The following SUMF1 variants were observed in gnomAD, a reference collection of about 807,000 sequenced individuals.
SUMF1 encodes formylglycine-generating enzyme.
SUMF1 carries 48 observed loss-of-function variants against 47.6 expected under a neutral mutation model. That is an observed-to-expected ratio of 1.01 (90% CI 0.80 to 1.28). The LOEUF (loss-of-function observed/expected upper bound fraction) is 1.28. Among genes scored for constraint, SUMF1 ranks in the 50% most tolerant of loss-of-function variants. The pLI, the probability that SUMF1 is intolerant of heterozygous loss-of-function variation, is 0.00. For synonymous variants in SUMF1, 230 were observed against 192.1 expected, an observed-to-expected ratio of 1.20 and a Z score of -1.63; for missense variants, 571 against 485.4, an observed-to-expected ratio of 1.18 and a Z score of -1.66.
intron 8 of SUMF1, among the ~76,000 whole-genome samples, chr3:4,130,053 G>A (rs576469830): frequency 6.6e-6 from 1 of 152,248 alleles, no homozygotes; most frequent in South Asian, 2.1e-4. Flanking sequence ...TCGCATCCTG[G>A]AAGGACTGCA....
intron 8 of SUMF1, among the ~76,000 whole-genome samples, chr3:4,154,753 A>G (rs1694414605): frequency 1.3e-5 from 2 of 151,584 alleles, no homozygotes; most frequent in Non-Finnish European, 2.9e-5. Context: ...TAATTTTTAA[A>G]TAAGAGTTTT....
At chr3:4,402,409 T>C (rs1171757599) in intron 7 of SUMF1, among the ~76,000 whole-genome samples, 3 of 152,198 alleles carry the variant, frequency 2.0e-5, no homozygotes, top group Non-Finnish European at 4.4e-5. Flanking sequence ...AATCTTAGCA[T>C]AGTGCATCTT....
At chr3:4,240,439 G>C (rs1042876415) in intron 8 of SUMF1, among the ~76,000 whole-genome samples, 4 of 151,944 alleles carry the variant, frequency 2.6e-5, no homozygotes, top group East Asian at 3.9e-4. Flanking sequence ...GTTTGTGATG[G>C]TAATAAAGAG....
chr3:4,066,221 C>T (rs566886452), intron 9 of SUMF1, among the ~76,000 whole-genome samples: 1 of 151,528 alleles, frequency 6.6e-6, no homozygotes. Context: ...TGCAAAAATG[C>T]CAAAACAGGA....
chr3:4,369,820 T>G (rs1196890572), intron 8 of SUMF1, among the ~76,000 whole-genome samples: 1 of 152,126 alleles, frequency 6.6e-6, no homozygotes, highest in Non-Finnish European at 1.5e-5. Context: ...TGGGCCACAC[T>G]TTGAGTAACA....
chr3:4,148,793 A>T (rs547486926), intron 8 of SUMF1, among the ~76,000 whole-genome samples: 7 of 152,280 alleles, frequency 4.6e-5, no homozygotes, highest in Middle Eastern at 3.4e-3. Flanking sequence ...AACTTCCTAA[A>T]CTAGATCTCT....
In SUMF1 at chr3:4,325,940, G is replaced by A. The variant is rs577281217; in HGVS notation, c.1014+50390C>T. Among the ~76,000 whole-genome samples the A allele has an allele frequency of 7.2e-5, 11 of 152,200 alleles. No individual in the cohort carries two copies. In the South Asian group the frequency reaches 1.7e-3, roughly 23 times the overall value. ...GGGTTCAAGCAATTTTCCTGCCTCA[G>A]CCTCCAAAGTAGCGGAGACTACAGG... is the stretch of plus-strand genomic sequence containing the variant. On this transcript the variant is annotated intron_variant and NMD_transcript_variant, in intron 8 of 12. Transcript: ENST00000448413.
At position 4,467,216 on chromosome 3, in the gene SUMF1, A is replaced by G. The variant is rs746169425; in HGVS notation, c.30T>C (p.Cys10=). The G allele has an allele frequency of 1.2e-6, 2 of 1,611,754 alleles. No individual in the cohort carries two copies. The highest frequency in any genetic ancestry group is 2.2e-5 in the East Asian group (1 of 44,818). Residue 10 remains cysteine (C), a synonymous_variant, in exon 1 of 9, where the codon TGT becomes TGC. Coordinates refer to ENST00000272902, the MANE Select transcript of SUMF1 (RefSeq NM_182760.4). MAAPALGLV[C]GRCPELGLVL... ...CGAGACCCAGCTCAGGGCAACGTCC[A>G]CACACCAGCCCTAGTGCGGGCGCAG...
intron 8 of SUMF1, among the ~76,000 whole-genome samples, chr3:4,282,663 G>T (rs1359935909): frequency 6.6e-6 from 1 of 152,172 alleles, no homozygotes; most frequent in African/African-American, 2.4e-5. Context: ...GAGAACTGTT[G>T]CTCAGTCAAT....
intron 8 of SUMF1, among the ~76,000 whole-genome samples, chr3:4,200,207 G>C (rs1191582665): frequency 7.2e-6 from 1 of 139,320 alleles, no homozygotes; most frequent in Non-Finnish European, 1.5e-5. Context: ...TATGGCTACT[G>C]TGATGGTTAC....
At chr3:4,279,421 T>A (rs1362494523) in intron 8 of SUMF1, among the ~76,000 whole-genome samples, 1 of 152,158 alleles carries the variant, frequency 6.6e-6, no homozygotes, top group Admixed American at 6.5e-5. Context: ...AAATACATTA[T>A]GACACACAAT....
chr3:4,369,521 C>G (rs1014687535), intron 8 of SUMF1, among the ~76,000 whole-genome samples: 3 of 152,298 alleles, frequency 2.0e-5, no homozygotes, highest in East Asian at 3.9e-4. Context: ...GTGTAGCAAA[C>G]TCCACACTGC....
At chr3:4,278,605 T>C (rs995588339) in intron 8 of SUMF1, among the ~76,000 whole-genome samples, 6 of 152,080 alleles carry the variant, frequency 3.9e-5, no homozygotes, top group African/African-American at 1.4e-4. Flanking sequence ...AGGAGTGTTA[T>C]TAAAACAGAC....
intron 7 of SUMF1, among the ~76,000 whole-genome samples, chr3:4,400,885 T>C (rs1701188702): frequency 6.6e-6 from 1 of 152,128 alleles, no homozygotes. Flanking sequence ...TACATATGTA[T>C]ACATGTGCCA....
At chr3:4,439,238 T>C (rs201492922) in intron 3 of SUMF1, among the ~76,000 whole-genome samples, 2 of 152,256 alleles carry the variant, frequency 1.3e-5, no homozygotes, top group African/African-American at 4.8e-5. Flanking sequence ...AGAAGTTAAG[T>C]GAGGCCGGGT....
chr3:4,086,849 GTCATTTCT>G (rs1692682918), intron 8 of SUMF1, among the ~76,000 whole-genome samples: 1 of 151,984 alleles, frequency 6.6e-6, no homozygotes. Flanking sequence ...TCACTTGGCT[GTCATTTCT>G]GTCTTGTCTG....
chr3:4,449,040 C>T (rs1702878530), intron 3 of SUMF1, among the ~76,000 whole-genome samples: 2 of 152,220 alleles, frequency 1.3e-5, no homozygotes, highest in South Asian at 4.1e-4. Context: ...GCACACAAGA[C>T]AGAAACTCAA....
chr3:4,116,147 A>G (rs1693419341), intron 8 of SUMF1, among the ~76,000 whole-genome samples: 1 of 152,124 alleles, frequency 6.6e-6, no homozygotes, highest in South Asian at 2.1e-4. Flanking sequence ...GTATATGAGG[A>G]TCCTGAGACA....
intron 8 of SUMF1, among the ~76,000 whole-genome samples, chr3:4,167,699 C>G (rs1428160340): frequency 6.6e-6 from 1 of 152,182 alleles, no homozygotes; most frequent in Non-Finnish European, 1.5e-5. Context: ...GTAGCAGTGG[C>G]AACTCAGACA....
Sources: gnomAD v4.1 joint callset for allele counts (sites outside exome capture counted in the v4.1 genomes callset) on GRCh38, gnomAD v4.1.1 for gene constraint, MANE v1.5 for transcripts, NCBI Gene and HGNC (gene_info 2026-07-23, HGNC 2026-07-21) for gene names.